PCDH15: variants seen among roughly 807,000 people sequenced by gnomAD.
PCDH15 encodes the protein protocadherin related 15, also known as protocadherin-15.
In PCDH15, 129 loss-of-function variants were observed where a neutral mutation model predicts 178.5. The observed-to-expected ratio is 0.72, with a 90% CI of 0.63 to 0.84. The LOEUF (loss-of-function observed/expected upper bound fraction) is 0.84, where lower values mean the gene tolerates loss of function less well. Ranked by LOEUF, PCDH15 falls within the 40% of genes least tolerant of loss-of-function variation. The probability of loss-of-function intolerance (pLI) is 0.00; values close to 1 mark genes in which losing one functional copy is unlikely to be tolerated. For missense variants in PCDH15, 2,230 were observed against 2,099.9 expected (o/e 1.06, Z -1.21); for synonymous variants, 800 against 732.0 (o/e 1.09, Z -1.50).
chr10:54,239,437 T>A lies in PCDH15; in HGVS notation c.877-2506A>T, dbSNP rs1024343589. Among the ~76,000 whole-genome samples, 168 of 139,400 alleles carry A rather than the reference T, an allele frequency of 1.2e-3. 1 individual carries two copies. Among genetic ancestry groups the A allele is most frequent in the African/African-American group, 5.2e-3 (165 of 31,958 alleles). The allele number at this position is 139,400 out of a possible 152,430, so 91.5% of individuals were successfully genotyped here. ...TAAATATATATATATATATATAGAGTAAGAACTGAAGAACTAAAAAGAAAC... is the reference window on the plus strand; with the variant it reads ...TAAATATATATATATATATATAGAGAAAGAACTGAAGAACTAAAAAGAAAC... On this transcript the variant is annotated intron_variant, in intron 8 of 37. Coordinates refer to ENST00000644397, the MANE Select transcript of PCDH15 (RefSeq NM_001384140.1).
intron 2 of PCDH15, among the ~76,000 whole-genome samples, chr10:55,339,168 G>T (rs1844482658): frequency 6.6e-6 from 1 of 152,088 alleles, no homozygotes; most frequent in South Asian, 2.1e-4. Flanking sequence ...CAAAGGAATG[G>T]TAAATGCTTG....
intron 2 of PCDH15, among the ~76,000 whole-genome samples, chr10:54,978,979 A>G (rs984072250): frequency 1.3e-5 from 2 of 152,212 alleles, no homozygotes; most frequent in African/African-American, 4.8e-5. Context: ...TCCTTCCTCT[A>G]TAAGTGCTAT....
At chr10:54,866,912 G>T (rs901104840) in intron 3 of PCDH15, among the ~76,000 whole-genome samples, 3 of 152,142 alleles carry the variant, frequency 2.0e-5, no homozygotes, top group Non-Finnish European at 4.4e-5. Flanking sequence ...CAAGGAAAAG[G>T]TCTCTTAGGA....
intron 3 of PCDH15, among the ~76,000 whole-genome samples, chr10:54,408,052 C>CAAAAAA (rs71461239): frequency 0.3 from 25,108 of 82,488 alleles, 3,777 homozygotes; most frequent in Non-Finnish European, 0.39. Flanking sequence ...GAGACTCTGT[C>CAAAAAA]AAAAAAAAAA....
chr10:55,579,717 A>G (rs1323055641), intron 2 of PCDH15, among the ~76,000 whole-genome samples: 1 of 152,196 alleles, frequency 6.6e-6, no homozygotes, highest in Non-Finnish European at 1.5e-5. Flanking sequence ...AGGAATTGTA[A>G]TCAATATTAA....
At chr10:54,617,798 C>A (rs1227912768) in intron 2 of PCDH15, among the ~76,000 whole-genome samples, 1 of 146,910 alleles carries the variant, frequency 6.8e-6, no homozygotes, top group Non-Finnish European at 1.5e-5. Flanking sequence ...TAGTGGCGGG[C>A]ACCTATAATC....
At chr10:54,630,858 C>T (rs1259211189) in intron 2 of PCDH15, among the ~76,000 whole-genome samples, 2 of 152,054 alleles carry the variant, frequency 1.3e-5, no homozygotes, top group African/African-American at 2.4e-5. Context: ...CATGAAGAGA[C>T]AGTTCTCAAA....
intron 3 of PCDH15, among the ~76,000 whole-genome samples, chr10:54,508,356 A>G (rs1181312401): frequency 6.6e-6 from 1 of 152,054 alleles, no homozygotes; most frequent in Non-Finnish European, 1.5e-5. Context: ...ATTAAAAACA[A>G]GAAAAAAACT....
At chr10:55,001,609 A>C (rs1839796616) in intron 2 of PCDH15, among the ~76,000 whole-genome samples, 1 of 152,164 alleles carries the variant, frequency 6.6e-6, no homozygotes, top group Non-Finnish European at 1.5e-5. Context: ...ACCCTGACAC[A>C]GCCAGTGCCC....
intron 2 of PCDH15, among the ~76,000 whole-genome samples, chr10:54,555,613 T>G (rs752485230): frequency 6.6e-6 from 1 of 150,896 alleles, no homozygotes; most frequent in African/African-American, 2.4e-5. Context: ...GGCAGGCACC[T>G]GTAATCCCAG....
chr10:54,482,082 G>T (rs564147130), intron 3 of PCDH15, among the ~76,000 whole-genome samples: 1 of 151,792 alleles, frequency 6.6e-6, no homozygotes, highest in Non-Finnish European at 1.5e-5. Flanking sequence ...TCATAGCATA[G>T]CTCGCTGAGA....
At chr10:54,506,845 G>C (rs1490706225) in intron 3 of PCDH15, among the ~76,000 whole-genome samples, 1 of 151,964 alleles carries the variant, frequency 6.6e-6, no homozygotes, top group Non-Finnish European at 1.5e-5. Context: ...TCTATTGACT[G>C]TGTGAAGGTA....
Position 53,809,528 on chromosome 10 carries a change from T to C in PCDH15, c.4671+1028A>G, listed in dbSNP as rs775380349. 6.2e-6 allele frequency: 10 copies of C among 1,608,260 alleles called. No homozygotes were observed. The East Asian group carries it at 2.2e-4, about 36-fold the overall frequency. ...TCTCTAATTTCAACCTTTGGTTTTT[T>C]AATTTTCTTTGGCTCTTCCTGAAAA... On this transcript the variant is annotated intron_variant, in intron 37 of 37. Coordinates refer to ENST00000644397, the MANE Select transcript of PCDH15 (RefSeq NM_001384140.1).
intron 2 of PCDH15, among the ~76,000 whole-genome samples, chr10:54,603,081 G>A (rs1355098045): frequency 3.3e-5 from 5 of 151,958 alleles, no homozygotes; most frequent in Admixed American, 3.3e-4. Context: ...TGCAGTGCTG[G>A]ACTATTCTAT....
At chr10:54,100,997 G>A (rs1332102616) in intron 15 of PCDH15, among the ~76,000 whole-genome samples, 1 of 152,156 alleles carries the variant, frequency 6.6e-6, no homozygotes, top group Non-Finnish European at 1.5e-5. Context: ...GTAGATATTG[G>A]TTGATATGGC....
chr10:53,876,418 C>A (rs1412054253), intron 26 of PCDH15, among the ~76,000 whole-genome samples: 1 of 152,048 alleles, frequency 6.6e-6, no homozygotes, highest in Non-Finnish European at 1.5e-5. Flanking sequence ...GATCTCCTGA[C>A]CTCGTGATCC....
intron 1 of PCDH15, among the ~76,000 whole-genome samples, chr10:55,287,108 T>G (rs994250192): frequency 3.9e-5 from 6 of 151,972 alleles, no homozygotes; most frequent in African/African-American, 1.2e-4. Context: ...ATCTTAAATA[T>G]TCACAATAAG....
At chr10:54,440,698 C>T (rs1428443836) in intron 3 of PCDH15, among the ~76,000 whole-genome samples, 1 of 151,884 alleles carries the variant, frequency 6.6e-6, no homozygotes, top group Non-Finnish European at 1.5e-5. Context: ...GATAACTGCT[C>T]AATATTTTGG....
intron 6 of PCDH15, among the ~76,000 whole-genome samples, chr10:54,333,686 A>G (rs1250672652): frequency 6.6e-6 from 1 of 152,210 alleles, no homozygotes; most frequent in Non-Finnish European, 1.5e-5. Context: ...AGAATGCACA[A>G]GAATCATAGG....
Sources: gnomAD v4.1 joint callset for allele counts (sites outside exome capture counted in the v4.1 genomes callset) on GRCh38, gnomAD v4.1.1 for gene constraint, MANE v1.5 for transcripts, NCBI Gene and HGNC (gene_info 2026-07-23, HGNC 2026-07-21) for gene names.